Variants in PPFIBP2 observed in about 807,000 individuals in gnomAD.
PPFIBP2 encodes the protein liprin-beta-2.
PPFIBP2 carries 118 observed loss-of-function variants against 118.3 expected under a neutral mutation model. That is an observed-to-expected ratio of 1.00 (90% CI 0.86 to 1.16). The LOEUF is 1.16. Ranked by LOEUF, PPFIBP2 falls within the 50% of genes most tolerant of loss-of-function variation. The probability of loss-of-function intolerance (pLI) is 0.00; values close to 1 mark genes in which losing one functional copy is unlikely to be tolerated. For synonymous variants in PPFIBP2, 414 were observed against 397.4 expected, an observed-to-expected ratio of 1.04 and a Z score of -0.50; for missense variants, 1,195 against 1,073.1, an observed-to-expected ratio of 1.11 and a Z score of -1.59.
chr11:7,656,372 G>C (rs1285345711), downstream of PPFIBP2, among the ~76,000 whole-genome samples: 3 of 152,140 alleles, frequency 2.0e-5, no homozygotes, highest in Non-Finnish European at 4.4e-5. Context: ...GACTCTCCTT[G>C]TTTTCAAGGA....
At position 7,521,538 on chromosome 11, in the gene PPFIBP2, A is replaced by G. The variant is rs908629692; in HGVS notation, c.-37+7417A>G. On this transcript the variant is annotated intron_variant, in intron 1 of 23. Transcript: ENST00000299492. ...ATTAATCCTTCAGGATATAGATCAA[A>G]TTCTTAAAGCTCCCTTGCCCCTAAG... is the stretch of plus-strand genomic sequence containing the variant. 5.3e-5 allele frequency among the ~76,000 whole-genome samples: 8 copies of G among 152,350 alleles called. No homozygotes were observed. The South Asian group carries it at 1.7e-3, about 32-fold the overall frequency.
chr11:7,603,815 C>T (rs1846974726), intron 5 of PPFIBP2, among the ~76,000 whole-genome samples: 1 of 152,034 alleles, frequency 6.6e-6, no homozygotes, highest in South Asian at 2.1e-4. Context: ...ACCTTTATTA[C>T]CCAGTTTCAT....
intron 3 of PPFIBP2, among the ~76,000 whole-genome samples, chr11:7,579,226 G>GT (rs1334445024): frequency 2.0e-5 from 3 of 152,178 alleles, no homozygotes; most frequent in African/African-American, 7.2e-5. Context: ...CATGGTATTA[G>GT]TGTCATAGCT....
intron 14 of PPFIBP2, among the ~76,000 whole-genome samples, chr11:7,638,964 C>G (rs1162107363): frequency 6.6e-6 from 1 of 152,210 alleles, no homozygotes; most frequent in African/African-American, 2.4e-5. Flanking sequence ...AGTCCTCTGG[C>G]CCATTTCTTG....
Position 7,641,543 on chromosome 11 carries a change from C to T in PPFIBP2, c.1440C>T (p.Gly480=), listed in dbSNP as rs1852195310. 2 of 1,613,372 alleles carry T rather than the reference C, an allele frequency of 1.2e-6. No individual in the cohort carries two copies. Among genetic ancestry groups the T allele is most frequent in the Non-Finnish European group, 1.7e-6 (2 of 1,179,368 alleles). ...ATGACCTCTCATCCACATCATCGGG[C>T]ACTGAATCAGGTCCTCAGTCTCCTC... is the stretch of plus-strand genomic sequence containing the variant. ...VVNDLSSTSS[G]TESGPQSPLT... is the part of the protein sequence containing the mutation. The change falls in exon 16 of 24, where the codon GGC becomes GGT. Residue 480 remains glycine (G), a synonymous_variant. Transcript: ENST00000299492.
intron 14 of PPFIBP2, among the ~76,000 whole-genome samples, chr11:7,639,116 G>A (rs781088597): frequency 4.6e-5 from 7 of 151,988 alleles, no homozygotes; most frequent in Non-Finnish European, 1.0e-4. Flanking sequence ...TACCATAGCC[G>A]CTCTCAGGCA....
chr11:7,522,783 G>T (rs1849878219), intron 1 of PPFIBP2, among the ~76,000 whole-genome samples: 1 of 152,172 alleles, frequency 6.6e-6, no homozygotes, highest in Non-Finnish European at 1.5e-5. Context: ...TGTATGTGGG[G>T]CTGATGGGAG....
the PPFIBP2 span, chr11:7,665,740 C>T: frequency 2.4e-6 from 3 of 1,272,666 alleles, no homozygotes; most frequent in African/African-American, 4.5e-5. Flanking sequence ...CACCCCAGGT[C>T]CCAGGCTCAC....
chr11:7,528,450 C>A lies in PPFIBP2; in HGVS notation c.-37+14329C>A, dbSNP rs115127751. On this transcript the variant is annotated intron_variant, in intron 1 of 23. Coordinates refer to ENST00000299492, the MANE Select transcript of PPFIBP2 (RefSeq NM_003621.5). ...TTCAATAAAGTATATTAGAATGGGG[C>A]AAGATAAGCCTGAATCTTCTCTAAT... Among the ~76,000 whole-genome samples, 987 of 152,270 alleles carry A rather than the reference C, an allele frequency of 6.5e-3. 19 individuals carry two copies. Among genetic ancestry groups the A allele is most frequent in the African/African-American group, 0.023 (948 of 41,512 alleles).
rs528943724 is a variant in PPFIBP2, at chr11:7,604,676, G to A, written c.487-5615G>A. On this transcript the variant is annotated intron_variant, in intron 5 of 23. Coordinates refer to ENST00000299492, the MANE Select transcript of PPFIBP2 (RefSeq NM_003621.5). ...TTAGCTTTGAGGGCAAGGTCAAGACGGAAGTTTCTTTAGAATGTCAGAAAT... is the reference window on the plus strand; with the variant it reads ...TTAGCTTTGAGGGCAAGGTCAAGACAGAAGTTTCTTTAGAATGTCAGAAAT... Among the ~76,000 whole-genome samples the A allele has an allele frequency of 5.3e-5, 8 of 152,266 alleles. No homozygotes were observed. The East Asian group carries it at 5.8e-4, about 11-fold the overall frequency.
chr11:7,568,263 A>G (rs1202154086), intron 3 of PPFIBP2, among the ~76,000 whole-genome samples: 1 of 152,208 alleles, frequency 6.6e-6, no homozygotes, highest in East Asian at 1.9e-4. Flanking sequence ...TCCCAGGGTT[A>G]AATAAGTGGC....
At chr11:7,633,117 A>G (rs73396616) in intron 12 of PPFIBP2, among the ~76,000 whole-genome samples, 183 bp downstream of exon 12, 7,582 of 152,232 alleles carry the variant, frequency 0.05, 411 homozygotes, top group African/African-American at 0.14. Flanking sequence ...AGGGCTTCTC[A>G]TCCTTCAGGC....
At chr11:7,572,889 C>T (rs1235447247) in intron 3 of PPFIBP2, among the ~76,000 whole-genome samples, 1 of 152,192 alleles carries the variant, frequency 6.6e-6, no homozygotes, top group Non-Finnish European at 1.5e-5. Context: ...AAGCAATTCT[C>T]CTGCCCCAGC....
At chr11:7,548,654 A>G (rs1263789736) in intron 1 of PPFIBP2, among the ~76,000 whole-genome samples, 1 of 152,162 alleles carries the variant, frequency 6.6e-6, no homozygotes, top group Non-Finnish European at 1.5e-5. Flanking sequence ...GATGGAAGCA[A>G]TTGCCTGAGG....
At chr11:7,638,729 T>A (rs150598836) in intron 14 of PPFIBP2, among the ~76,000 whole-genome samples, 1 of 152,352 alleles carries the variant, frequency 6.6e-6, no homozygotes, top group East Asian at 1.9e-4. Context: ...TTTCTTTTAT[T>A]CTCACTTTCA....
chr11:7,537,680 G>A (rs1851350010), intron 1 of PPFIBP2, among the ~76,000 whole-genome samples: 1 of 152,132 alleles, frequency 6.6e-6, no homozygotes, highest in African/African-American at 2.4e-5. Context: ...ATCCCCATGA[G>A]GGCACTGATA....
intron 17 of PPFIBP2, among the ~76,000 whole-genome samples, chr11:7,642,683 A>G (rs1408834943): frequency 6.6e-6 from 1 of 152,212 alleles, no homozygotes; most frequent in Non-Finnish European, 1.5e-5. Context: ...ACCAAAAGGC[A>G]AAAAGTAAGC....
chr11:7,583,279 G>A (rs528056613), intron 3 of PPFIBP2, among the ~76,000 whole-genome samples: 2 of 152,286 alleles, frequency 1.3e-5, no homozygotes, highest in South Asian at 2.1e-4. Context: ...GACCCGAGGA[G>A]CAGCTCCTTA....
intron 3 of PPFIBP2, among the ~76,000 whole-genome samples, chr11:7,578,483 A>G (rs1486275247): frequency 6.6e-6 from 1 of 152,206 alleles, no homozygotes; most frequent in Non-Finnish European, 1.5e-5. Flanking sequence ...ACTCCCGGAC[A>G]CTGAGCTGGC....
Sources: allele counts gnomAD v4.1 joint callset (sites outside exome capture counted in the v4.1 genomes callset), GRCh38; gene constraint gnomAD v4.1.1; transcripts MANE v1.5; gene names NCBI Gene and HGNC (gene_info 2026-07-23, HGNC 2026-07-21).